IL17RD: variants seen among roughly 807,000 people sequenced by gnomAD.
IL17RD encodes the protein interleukin 17 receptor D, also known as interleukin-17 receptor D.
A neutral mutation model predicts 80.5 loss-of-function variants in IL17RD; 52 were observed. The ratio of observed to expected loss-of-function variants is 0.65; its 90% confidence interval spans 0.52 to 0.81. The LOEUF (loss-of-function observed/expected upper bound fraction) is 0.81. Ranked by LOEUF, IL17RD falls within the 40% of genes least tolerant of loss-of-function variation. The pLI is 0.00. For synonymous variants in IL17RD, 416 were observed against 391.8 expected (o/e 1.06, Z -0.73); for missense variants, 1,024 against 955.1 (o/e 1.07, Z -0.95).
intron 7 of IL17RD, 25 bp downstream of exon 7, chr3:57,105,832 C>G (rs775405295): frequency 2.5e-6 from 4 of 1,608,326 alleles, no homozygotes; most frequent in Non-Finnish European, 3.4e-6. Flanking sequence ...ACGCAGTGTT[C>G]CTTTATATAC....
chr3:57,134,630 G>A (rs1579299405), intron 1 of IL17RD: 2 of 814,852 alleles, frequency 2.5e-6, no homozygotes, highest in East Asian at 2.5e-5. Flanking sequence ...GCAGGTCTAA[G>A]ACCAAGGAAG....
At chr3:57,161,208 C>T (rs929210194) in intron 1 of IL17RD, among the ~76,000 whole-genome samples, 1 of 152,206 alleles carries the variant, frequency 6.6e-6, no homozygotes, top group Admixed American at 6.5e-5. Flanking sequence ...AATTCTGTAA[C>T]AGACACAAGA....
At chr3:57,134,159 G>A (rs981405151) in intron 1 of IL17RD, 8 of 648,150 alleles carry the variant, frequency 1.2e-5, no homozygotes, top group South Asian at 4.4e-5. Context: ...GGTTTCAGAT[G>A]AGGCTCGCCT....
chr3:57,096,502 T>C lies in IL17RD; in HGVS notation c.2111A>G (p.Glu704Gly), dbSNP rs1320416143. ...ESVSSSSGLG[E>G]EEPPALPSKL... Reference sequence around the variant, plus strand: ...GGAAGGAAGGGCAGGAGGTTCCTCCTCACCTAAGGAGAGAAGAGAGTACAG... The same window carrying C: ...GGAAGGAAGGGCAGGAGGTTCCTCCCCACCTAAGGAGAGAAGAGAGTACAG... Residue 704 changes from glutamate to glycine, a missense_variant, in exon 13 of 13, where the codon GAG becomes GGG. Physicochemically the swap from Glu to Gly is moderately conservative, Grantham distance 98. Transcript: ENST00000296318. 6.2e-7 allele frequency: 1 copy of C among 1,602,654 alleles called. No individual in the cohort carries two copies. Among genetic ancestry groups the C allele is most frequent in the South Asian group, 1.1e-5 (1 of 90,870 alleles).
rs751847693 is a variant in IL17RD at position 57,154,260 on chromosome 3, TTATA to T, written c.126+10897_126+10900del. Among the ~76,000 whole-genome samples the T allele has an allele frequency of 1.7e-3, 217 of 128,574 alleles. 1 individual carries two copies. The highest frequency in any genetic ancestry group is 6.4e-3 in the African/African-American group (208 of 32,488). 84.3% of individuals were successfully genotyped at this position (128,574 alleles called of 152,430 possible). ...TGAGACCTTGTCTCAAAAAAAAAAA[TTATA>T]TATATATATATATATATATACACAC... is the stretch of plus-strand genomic sequence containing the variant. On this transcript the variant is annotated intron_variant, in intron 1 of 12. Transcript: ENST00000296318.
At chr3:57,130,042 T>A (rs1707573146) in intron 1 of IL17RD, among the ~76,000 whole-genome samples, 1 of 152,256 alleles carries the variant, frequency 6.6e-6, no homozygotes, top group South Asian at 2.1e-4. Context: ...AATCCCACCC[T>A]GCAGGGCTAC....
intron 1 of IL17RD, among the ~76,000 whole-genome samples, chr3:57,154,862 T>C (rs930617958): frequency 1.3e-5 from 2 of 152,188 alleles, no homozygotes; most frequent in African/African-American, 2.4e-5. Flanking sequence ...AGTGAAGCCT[T>C]CTAAGGATTT....
intron 1 of IL17RD, among the ~76,000 whole-genome samples, chr3:57,127,676 G>T (rs1345523257): frequency 6.6e-6 from 1 of 151,944 alleles, no homozygotes; most frequent in Non-Finnish European, 1.5e-5. Flanking sequence ...CAAAGTGCTG[G>T]GATTACAGGC....
chr3:57,132,373 T>G (rs1707629149), intron 1 of IL17RD, among the ~76,000 whole-genome samples: 1 of 152,016 alleles, frequency 6.6e-6, no homozygotes, highest in South Asian at 2.1e-4. Context: ...GGCAGGAGAA[T>G]CGCTGGAACC....
At chr3:57,157,450 C>G (rs2060275758) in intron 1 of IL17RD, among the ~76,000 whole-genome samples, 1 of 152,334 alleles carries the variant, frequency 6.6e-6, no homozygotes, top group Middle Eastern at 3.4e-3. Context: ...ACTGGTCCCA[C>G]AACCTAACAC....
Position 57,097,841 on chromosome 3 carries a change from T to C in IL17RD, c.1862A>G (p.Glu621Gly). ...GATGPADSQH[E>G]SQHGGLDQDG... is the part of the protein sequence containing the mutation. ...TTGGTCCAGGCCCCCATGCTGACTCTCGTGCTGGGAGTCGGCTGGTCCGGT... is the reference window on the plus strand; with the variant it reads ...TTGGTCCAGGCCCCCATGCTGACTCCCGTGCTGGGAGTCGGCTGGTCCGGT... The change falls in exon 12 of 13, where the codon GAG (glutamate) becomes GGG (glycine). Residue 621 changes from glutamate to glycine, a missense_variant. By Grantham distance (98) the Glu-to-Gly change is moderately conservative (BLOSUM62 -2). Transcript: ENST00000296318. The C allele has an allele frequency of 6.2e-7, 1 of 1,612,666 alleles. No homozygotes were observed. Among genetic ancestry groups the C allele is most frequent in the Non-Finnish European group, 8.5e-7 (1 of 1,179,310 alleles).
intron 1 of IL17RD, among the ~76,000 whole-genome samples, chr3:57,129,427 C>T (rs543973703): frequency 1.3e-5 from 2 of 152,192 alleles, no homozygotes; most frequent in African/African-American, 2.4e-5. Flanking sequence ...CAAAACACAA[C>T]TACTAATGAA....
At chr3:57,116,389 T>C (rs1051241268) in intron 2 of IL17RD, among the ~76,000 whole-genome samples, 1 of 151,712 alleles carries the variant, frequency 6.6e-6, no homozygotes, top group African/African-American at 2.4e-5. Flanking sequence ...GTTGAAGCGA[T>C]TCTCCTGCCT....
chr3:57,119,723 C>T (rs1707293613), intron 2 of IL17RD, among the ~76,000 whole-genome samples: 1 of 151,444 alleles, frequency 6.6e-6, no homozygotes. Context: ...CAGATTCACT[C>T]TGTGTGAAAT....
chr3:57,101,134 C>T, intron 11 of IL17RD, 45 bp downstream of exon 11: 1 of 1,530,056 alleles, frequency 6.5e-7, no homozygotes, highest in Non-Finnish European at 9.0e-7. Context: ...GAGTACAGGG[C>T]AAGTGTCCTG....
intron 1 of IL17RD, 97 bp downstream of exon 1, chr3:57,165,064 A>T: frequency 1.5e-6 from 2 of 1,375,312 alleles, no homozygotes; most frequent in Non-Finnish European, 1.9e-6. Flanking sequence ...CGCGAAGAGC[A>T]GACAGGTTGG....
intron 1 of IL17RD, among the ~76,000 whole-genome samples, chr3:57,132,296 A>G (rs1265673307): frequency 6.6e-6 from 1 of 151,536 alleles, no homozygotes; most frequent in Non-Finnish European, 1.5e-5. Context: ...CATGGCTAAT[A>G]ATACAAAAAA....
intron 1 of IL17RD, among the ~76,000 whole-genome samples, chr3:57,123,205 C>T (rs1006795490): frequency 6.6e-6 from 1 of 152,164 alleles, no homozygotes; most frequent in African/African-American, 2.4e-5. Context: ...GAGCATTCCA[C>T]CTTGGCCTAA....
chr3:57,136,412 T>C (rs2107521547), intron 1 of IL17RD, among the ~76,000 whole-genome samples: 1 of 152,230 alleles, frequency 6.6e-6, no homozygotes, highest in Non-Finnish European at 1.5e-5. Flanking sequence ...GCAGCAGGAA[T>C]GCTCGAGACC....
Sources: allele counts gnomAD v4.1 joint callset (sites outside exome capture counted in the v4.1 genomes callset), GRCh38; gene constraint gnomAD v4.1.1; transcripts MANE v1.5; gene names NCBI Gene and HGNC (gene_info 2026-07-23, HGNC 2026-07-21).